The following TRIQK variants were observed in gnomAD, a reference collection of about 807,000 sequenced individuals.
The protein encoded by TRIQK is triple QxxK/R motif containing, also known as triple QxxK/R motif-containing protein.
Under a neutral mutation model 10.8 loss-of-function variants are expected in TRIQK, and 10 were observed. The ratio of observed to expected loss-of-function variants is 0.92; its 90% CI spans 0.57 to 1.57. TRIQK has a LOEUF of 1.57. Ranked by LOEUF, TRIQK falls within the 40% of genes most tolerant of loss-of-function variation. TRIQK has a pLI of 0.00. For synonymous variants in TRIQK, 33 were observed against 33.7 expected (o/e 0.98, Z 0.07); for missense variants, 107 against 97.7 (o/e 1.09, Z -0.40).
chr8:92,961,291 G>C (rs560307103), intron 1 of TRIQK, among the ~76,000 whole-genome samples: 2 of 151,998 alleles, frequency 1.3e-5, no homozygotes, highest in African/African-American at 4.8e-5. Context: ...GTTGAGGGGA[G>C]GCAGAAAATG....
intron 3 of TRIQK, among the ~76,000 whole-genome samples, chr8:92,893,477 T>C (rs1312668100): frequency 6.6e-6 from 1 of 151,996 alleles, no homozygotes; most frequent in African/African-American, 2.4e-5. Context: ...TCTGATGATC[T>C]AGAAATGAGA....
intron 2 of TRIQK, among the ~76,000 whole-genome samples, chr8:92,928,759 G>A (rs1309148086): frequency 2.0e-5 from 3 of 152,186 alleles, no homozygotes; most frequent in African/African-American, 7.2e-5. Context: ...AGGCCTGGTT[G>A]GGGTGGCATG....
Position 92,918,294 on chromosome 8 carries a change from T to G in TRIQK, c.-21-1284A>C, listed in dbSNP as rs189985841. ...TCTATTTTTAGTTTATTGAGGAACC[T>G]CCATATTGTTTTCCATAATGGTGTA... is the stretch of plus-strand genomic sequence containing the variant. On this transcript the variant is annotated intron_variant, in intron 2 of 4. Transcript: ENST00000521988. Among the ~76,000 whole-genome samples, 566 of 152,128 alleles carry G rather than the reference T, an allele frequency of 3.7e-3. 4 individuals carry two copies. The highest frequency in any genetic ancestry group is 0.013 in the African/African-American group (532 of 41,558).
upstream of TRIQK, among the ~76,000 whole-genome samples, chr8:92,966,953 A>G (rs1812771959): frequency 7.3e-6 from 1 of 136,714 alleles, no homozygotes; most frequent in African/African-American, 2.9e-5. Context: ...TCTTTTTCCA[A>G]AAGCCCTTGA....
rs1809438494 is a variant in TRIQK, at chr8:92,909,208, A to G, written c.61+7721T>C. Reference sequence around the variant, plus strand: ...TTTTAACACCTTCAAGATGAATAAAATTACAAATGCTCACAGGAAAATAAC... The same window carrying G: ...TTTTAACACCTTCAAGATGAATAAAGTTACAAATGCTCACAGGAAAATAAC... On this transcript the variant is annotated intron_variant, in intron 3 of 4. Transcript: ENST00000521988. 2.0e-5 allele frequency among the ~76,000 whole-genome samples: 3 copies of G among 151,982 alleles called. No homozygotes were observed. The South Asian group carries it at 6.2e-4, about 31-fold the overall frequency.
chr8:92,893,075 C>T (rs764287950), intron 3 of TRIQK, among the ~76,000 whole-genome samples: 2 of 151,912 alleles, frequency 1.3e-5, no homozygotes, highest in Admixed American at 6.6e-5. Flanking sequence ...CAAAACTCAT[C>T]GCTACATTCC....
intron 3 of TRIQK, among the ~76,000 whole-genome samples, chr8:92,895,254 C>A (rs1808533014): frequency 6.6e-6 from 1 of 152,200 alleles, no homozygotes. Context: ...TCTCCACAAT[C>A]ATAAGAAATA....
At position 92,886,752 on chromosome 8, in the gene TRIQK, A is replaced by G. The variant is rs1420197299; in HGVS notation, c.148-17T>C. 7.2e-7 allele frequency: 1 copy of G among 1,381,570 alleles called. No homozygotes were observed. The highest frequency in any genetic ancestry group is 9.9e-7 in the Non-Finnish European group (1 of 1,009,324). 85.6% of individuals were successfully genotyped at this position (1,381,570 alleles called of 1,614,324 possible). On this transcript the variant is annotated splice_polypyrimidine_tract_variant and intron_variant, in intron 4 of 4. Transcript: ENST00000521988. ...GCCAACTTCCTGGGAAGAAAAAAAA[A>G]GTAGACTTGAAATTGATGAAAAAAG...
At chr8:92,918,228 G>T (rs1032088166) in intron 2 of TRIQK, among the ~76,000 whole-genome samples, 1 of 151,780 alleles carries the variant, frequency 6.6e-6, no homozygotes. Context: ...CCTTTTTTTG[G>T]ATATATACCC....
upstream of TRIQK, among the ~76,000 whole-genome samples, chr8:92,969,445 T>A (rs185449556): frequency 5.3e-5 from 8 of 152,140 alleles, no homozygotes; most frequent in East Asian, 1.5e-3. Context: ...ACCCAACATA[T>A]GGTTTATCTT....
intron 1 of TRIQK, among the ~76,000 whole-genome samples, chr8:92,986,151 A>T (rs1001506155): frequency 4.6e-5 from 7 of 152,180 alleles, no homozygotes; most frequent in Non-Finnish European, 1.0e-4. Context: ...ATGATTTTAC[A>T]TATCTCTGCC....
chr8:92,884,650 C>A lies in TRIQK; in HGVS notation c.*1972G>T. 3.1e-6 allele frequency: 1 copy of A among 327,222 alleles called. No individual in the cohort carries two copies. The highest frequency in any genetic ancestry group is 6.1e-6 in the Non-Finnish European group (1 of 164,304). 20.3% of individuals were successfully genotyped at this position (327,222 alleles called of 1,614,324 possible). A position where few individuals can be genotyped will look rare whatever the true frequency, so the allele number is the denominator to read the frequency against. On this transcript the variant is annotated 3_prime_UTR_variant, in exon 5 of 5. Transcript: ENST00000521988. ...ATGAATTTTCAAACATTTCCAAGAC[C>A]ATAACCAGCCATTTTAAGTACTGTA...
chr8:92,933,508 G>A (rs1175088642), intron 2 of TRIQK, among the ~76,000 whole-genome samples: 1 of 152,042 alleles, frequency 6.6e-6, no homozygotes, highest in Admixed American at 6.6e-5. Flanking sequence ...CAAGGAAAAT[G>A]AGACTGTGCT....
chr8:92,902,402 C>T (rs1001656985), intron 3 of TRIQK, among the ~76,000 whole-genome samples: 1 of 152,134 alleles, frequency 6.6e-6, no homozygotes, highest in Non-Finnish European at 1.5e-5. Context: ...ACTGCACTCT[C>T]CCTCATGCAA....
At chr8:92,967,120 T>A (rs1812783709), upstream of TRIQK, among the ~76,000 whole-genome samples, 1 of 152,050 alleles carries the variant, frequency 6.6e-6, no homozygotes, top group South Asian at 2.1e-4. Context: ...CATTTTCTGG[T>A]CTCCAGTTCC....
At position 92,884,034 on chromosome 8, in the gene TRIQK, TTTA is replaced by T. The variant is rs1331320071; in HGVS notation, c.*2585_*2587del. On this transcript the variant is annotated 3_prime_UTR_variant, in exon 5 of 5. Transcript: ENST00000521988. ...TTTAAGTCTATTGCATTAGTTGAAA[TTTA>T]TTTTGCAGAGTATGTTAACAAACAT... 6.6e-6 allele frequency: 1 copy of T among 151,802 alleles called. No homozygotes were observed. The highest frequency in any genetic ancestry group is 1.5e-5 in the Non-Finnish European group (1 of 67,842). 9.4% of individuals were successfully genotyped at this position (151,802 alleles called of 1,614,324 possible). A position where few individuals can be genotyped will look rare whatever the true frequency, so the allele number is the denominator to read the frequency against.
intron 2 of TRIQK, chr8:92,921,272 C>T (rs1219456285): frequency 6.6e-6 from 1 of 151,468 alleles, no homozygotes; most frequent in South Asian, 2.1e-4. Flanking sequence ...TGTTTAGGTT[C>T]TCTCTATTGG....
intron 2 of TRIQK, among the ~76,000 whole-genome samples, chr8:92,945,794 T>C (rs1811500716): frequency 1.3e-5 from 2 of 152,292 alleles, no homozygotes; most frequent in African/African-American, 4.8e-5. Context: ...AAAATACAGT[T>C]AATTATCAAT....
intron 1 of TRIQK, among the ~76,000 whole-genome samples, chr8:92,979,945 C>A (rs1812969998): frequency 1.3e-5 from 2 of 151,972 alleles, no homozygotes; most frequent in Admixed American, 6.6e-5. Context: ...CTGTATATAT[C>A]ATTTTATTTT....
Sources: gnomAD v4.1 joint callset for allele counts (sites outside exome capture counted in the v4.1 genomes callset) on GRCh38, gnomAD v4.1.1 for gene constraint, MANE v1.5 for transcripts, NCBI Gene and HGNC (gene_info 2026-07-23, HGNC 2026-07-21) for gene names.